MALRD1: variants seen among roughly 807,000 people sequenced by gnomAD.
The protein encoded by MALRD1 is MAM and LDL-receptor class A domain-containing protein 1.
In MALRD1, 247 loss-of-function variants were observed where a neutral mutation model predicts 242.1. The ratio of observed to expected loss-of-function variants is 1.02; its 90% CI spans 0.92 to 1.13. The LOEUF is 1.13. Among genes scored for constraint, MALRD1 ranks in the 50% most tolerant of loss-of-function variants. The pLI is 0.00. For synonymous variants in MALRD1, 995 were observed against 866.6 expected, an observed-to-expected ratio of 1.15 and a Z score of -2.60; for missense variants, 2,989 against 2,533.1, an observed-to-expected ratio of 1.18 and a Z score of -3.86.
At chr10:19,535,164 G>A (rs537307821) in intron 32 of MALRD1, among the ~76,000 whole-genome samples, 2 of 152,092 alleles carry the variant, frequency 1.3e-5, no homozygotes, top group African/African-American at 4.8e-5. Context: ...GATTACAGGC[G>A]TGAGCCACTG....
chr10:19,713,563 A>C (rs1834242922), intron 38 of MALRD1, among the ~76,000 whole-genome samples: 1 of 152,240 alleles, frequency 6.6e-6, no homozygotes, highest in African/African-American at 2.4e-5. Context: ...TTGTCTGAAA[A>C]ATATTTAAGA....
chr10:19,157,517 G>C (rs780035747), intron 12 of MALRD1, among the ~76,000 whole-genome samples: 35 of 152,102 alleles, frequency 2.3e-4, no homozygotes, highest in Middle Eastern at 3.4e-3. Context: ...AAAGTGCTGG[G>C]ATTACAGGCG....
chr10:19,458,675 T>G (rs1264465041), intron 29 of MALRD1, among the ~76,000 whole-genome samples: 1 of 152,148 alleles, frequency 6.6e-6, no homozygotes, highest in Non-Finnish European at 1.5e-5. Flanking sequence ...TGTGAGGAAG[T>G]AGCATGTGTC....
chr10:19,123,642 T>A, intron 6 of MALRD1, 49 bp downstream of exon 6: 2 of 1,072,004 alleles, frequency 1.9e-6, no homozygotes, highest in Non-Finnish European at 2.4e-6. Context: ...ATGCAATATG[T>A]GAGACTCAGA....
rs1316279265 is a variant in MALRD1, at chr10:19,245,997, C to G, written c.2992-11687C>G. On this transcript the variant is annotated intron_variant, in intron 18 of 39. Transcript: ENST00000454679. The stretch of plus-strand genomic sequence containing the variant: ...CTTAAATGCAGTCAGTGGAAGGTAG[C>G]TGAATTATAAAAAACGATGATGTGT... 2.0e-5 allele frequency among the ~76,000 whole-genome samples: 3 copies of G among 152,096 alleles called. No homozygotes were observed. The East Asian group carries it at 5.8e-4, about 29-fold the overall frequency.
At chr10:19,516,562 T>G (rs1833634778) in intron 31 of MALRD1, among the ~76,000 whole-genome samples, 1 of 152,164 alleles carries the variant, frequency 6.6e-6, no homozygotes, top group Admixed American at 6.5e-5. Context: ...TCTACTAATA[T>G]TTGTGGGGAA....
chr10:19,331,331 T>A (rs551386274), intron 23 of MALRD1, 38 bp from the exon 24 acceptor site: 1 of 1,500,302 alleles, frequency 6.7e-7, no homozygotes, highest in Non-Finnish European at 9.1e-7. Flanking sequence ...TTGAACTTCT[T>A]GATTGACAGT....
At chr10:19,345,457 A>C (rs1844074001) in intron 24 of MALRD1, among the ~76,000 whole-genome samples, 1 of 152,150 alleles carries the variant, frequency 6.6e-6, no homozygotes, top group Admixed American at 6.6e-5. Flanking sequence ...GTTGGGGTTC[A>C]TTATTATTTT....
At chr10:19,332,395 A>G (rs1171254062) in intron 24 of MALRD1, among the ~76,000 whole-genome samples, 1 of 152,128 alleles carries the variant, frequency 6.6e-6, no homozygotes, top group Non-Finnish European at 1.5e-5. Context: ...CAGCTGTGTG[A>G]TATGGTTAAA....
chr10:19,682,615 GC>G (rs1469743477), intron 36 of MALRD1, among the ~76,000 whole-genome samples: 1 of 152,136 alleles, frequency 6.6e-6, no homozygotes, highest in Non-Finnish European at 1.5e-5. Context: ...ATTAGTCCAA[GC>G]AAATTAATCG....
intron 36 of MALRD1, among the ~76,000 whole-genome samples, chr10:19,683,444 C>G (rs1842456481): frequency 6.6e-6 from 1 of 152,206 alleles, no homozygotes; most frequent in African/African-American, 2.4e-5. Context: ...TTCTCATACA[C>G]ATTCTGAGAG....
At chr10:19,084,386 ATC>A (rs1835597350) in intron 2 of MALRD1, among the ~76,000 whole-genome samples, 1 of 151,694 alleles carries the variant, frequency 6.6e-6, no homozygotes, top group Admixed American at 6.6e-5. Flanking sequence ...CAAGCCTTGG[ATC>A]TTGTTTTGAT....
chr10:19,255,324 A>G (rs1839460281), intron 18 of MALRD1, among the ~76,000 whole-genome samples: 1 of 152,106 alleles, frequency 6.6e-6, no homozygotes, highest in Admixed American at 6.6e-5. Context: ...TACAATGTAT[A>G]ATGCTTGTGT....
chr10:19,663,186 T>G (rs550758349), intron 36 of MALRD1, among the ~76,000 whole-genome samples: 1 of 152,132 alleles, frequency 6.6e-6, no homozygotes, highest in African/African-American at 2.4e-5. Context: ...CACCCTTTCA[T>G]ATTTTTGAGT....
intron 18 of MALRD1, among the ~76,000 whole-genome samples, chr10:19,242,170 C>T (rs374140458): frequency 2.2e-4 from 33 of 152,014 alleles, no homozygotes; most frequent in Admixed American, 1.0e-3. Flanking sequence ...TGATGGAAGG[C>T]GAAAGGCACA....
chr10:19,121,707 G>A (rs910392599), intron 5 of MALRD1, among the ~76,000 whole-genome samples: 1 of 152,114 alleles, frequency 6.6e-6, no homozygotes, highest in East Asian at 1.9e-4. Context: ...CCAGAGAAGG[G>A]CATGGAGAGT....
At chr10:19,422,105 A>G (rs1833738282) in intron 28 of MALRD1, among the ~76,000 whole-genome samples, 1 of 152,252 alleles carries the variant, frequency 6.6e-6, no homozygotes, top group Admixed American at 6.5e-5. Context: ...AAAGGAAACC[A>G]CATTGATTTA....
At chr10:19,504,663 C>CTTTTTTTTTTTTTTTTTT (rs1564397363) in intron 31 of MALRD1, among the ~76,000 whole-genome samples, 2 of 128,698 alleles carry the variant, frequency 1.6e-5, no homozygotes, top group African/African-American at 3.2e-5. Flanking sequence ...TATTGTAACA[C>CTTTTTTTTTTTTTTTTTT]ATTTTTTTTT....
At chr10:19,252,035 A>G (rs559588852) in intron 18 of MALRD1, among the ~76,000 whole-genome samples, 1 of 152,118 alleles carries the variant, frequency 6.6e-6, no homozygotes, top group African/African-American at 2.4e-5. Flanking sequence ...AGGCTGTGGA[A>G]CTGTGAGTCA....
Sources: gnomAD v4.1 joint callset for allele counts (sites outside exome capture counted in the v4.1 genomes callset) on GRCh38, gnomAD v4.1.1 for gene constraint, MANE v1.5 for transcripts, NCBI Gene and HGNC (gene_info 2026-07-23, HGNC 2026-07-21) for gene names.